The following NEURL1 variants were observed in gnomAD, a reference collection of about 807,000 sequenced individuals.
NEURL1 encodes the protein E3 ubiquitin-protein ligase NEURL1.
A neutral mutation model predicts 41.2 loss-of-function variants in NEURL1; 26 were observed. The observed-to-expected ratio is 0.63, with a 90% CI of 0.46 to 0.87. NEURL1 has a LOEUF of 0.87. NEURL1 is among the 40% of genes least tolerant of loss of function. NEURL1 has a pLI of 0.00. For synonymous variants in NEURL1, 400 were observed against 402.3 expected (o/e 0.99, Z 0.07); for missense variants, 761 against 871.1 (o/e 0.87, Z 1.59).
chr10:103,510,939 AC>A (rs977228076), intron 1 of NEURL1, among the ~76,000 whole-genome samples: 1 of 150,658 alleles, frequency 6.6e-6, no homozygotes, highest in African/African-American at 2.4e-5. Flanking sequence ...TTTCCAGGCC[AC>A]CCCCCGCCGC....
At chr10:103,568,387 A>G (rs2035469586) in intron 1 of NEURL1, among the ~76,000 whole-genome samples, 1 of 152,140 alleles carries the variant, frequency 6.6e-6, no homozygotes, top group Admixed American at 6.5e-5. Context: ...CCAGGGCCCC[A>G]GGACGTCAAG....
At chr10:103,505,849 C>G (rs1659881131) in intron 1 of NEURL1, among the ~76,000 whole-genome samples, 1 of 152,226 alleles carries the variant, frequency 6.6e-6, no homozygotes, top group South Asian at 2.1e-4. Context: ...GGCCAAGGAA[C>G]TTTCAGCAGA....
chr10:103,563,224 C>T (rs191941970), intron 1 of NEURL1, among the ~76,000 whole-genome samples: 4 of 152,334 alleles, frequency 2.6e-5, no homozygotes, highest in Admixed American at 6.5e-5. Flanking sequence ...ATGTTGCGAT[C>T]AAGTGTTAAA....
At chr10:103,516,301 C>T (rs1156929620) in intron 1 of NEURL1, among the ~76,000 whole-genome samples, 5 of 149,428 alleles carry the variant, frequency 3.3e-5, no homozygotes, top group Admixed American at 6.7e-5. Context: ...ATGATGCAGG[C>T]GGTGAGAGTG....
At chr10:103,511,576 G>T (rs762710964) in intron 1 of NEURL1, among the ~76,000 whole-genome samples, 1 of 152,204 alleles carries the variant, frequency 6.6e-6, no homozygotes, top group Admixed American at 6.5e-5. Flanking sequence ...CTTATTTGAG[G>T]TAATGCTTGA....
intron 1 of NEURL1, among the ~76,000 whole-genome samples, chr10:103,500,157 G>C (rs72848934): frequency 0.016 from 2,380 of 152,290 alleles, 31 homozygotes; most frequent in Non-Finnish European, 0.028. Flanking sequence ...CACCCATCCT[G>C]CATGCCCTGT....
At chr10:103,503,152 G>A (rs1336389298) in intron 1 of NEURL1, among the ~76,000 whole-genome samples, 1 of 152,258 alleles carries the variant, frequency 6.6e-6, no homozygotes, top group Non-Finnish European at 1.5e-5. Context: ...GGTCCCGCCT[G>A]GCCAGACCAG....
chr10:103,555,619 T>A (rs2035135835), intron 1 of NEURL1, among the ~76,000 whole-genome samples: 1 of 151,864 alleles, frequency 6.6e-6, no homozygotes, highest in Middle Eastern at 3.2e-3. Flanking sequence ...GGAAGAGGGG[T>A]GCCTTCCCTG....
At chr10:103,576,130 G>T (rs2035657925) in intron 3 of NEURL1, among the ~76,000 whole-genome samples, 1 of 152,242 alleles carries the variant, frequency 6.6e-6, no homozygotes, top group South Asian at 2.1e-4. Context: ...TATAACTGAT[G>T]CAAGGTGGCC....
In NEURL1 at chr10:103,558,388, T is replaced by C. The variant is rs757052218; in HGVS notation, c.86-12484T>C. 4 of 318,882 alleles carry C rather than the reference T, an allele frequency of 1.3e-5. No individual in the cohort carries two copies. Among genetic ancestry groups the C allele is most frequent in the Non-Finnish European group, 1.8e-5 (4 of 220,804 alleles). The allele number at this position is 318,882 out of a possible 1,614,324, so 19.8% of individuals were successfully genotyped here. ...CAGATGTGTATCTGTGTTTTAGATC[T>C]CTGTGTACCTGTGTGATGTGTCTCT... On this transcript the variant is annotated intron_variant, in intron 1 of 5. Coordinates refer to ENST00000369780, the MANE Select transcript of NEURL1 (RefSeq NM_004210.5). The surrounding 1 kb of genome is among the most constrained non-coding windows in gnomAD (Gnocchi z 4.2).
At position 103,558,270 on chromosome 10, in the gene NEURL1, G is replaced by C; in HGVS notation, c.86-12602G>C. 1 of 984,724 alleles carries C rather than the reference G, an allele frequency of 1.0e-6. No individual in the cohort carries two copies. The highest frequency in any genetic ancestry group is 1.2e-6 in the Non-Finnish European group (1 of 829,358). The allele number at this position is 984,724 out of a possible 1,614,324, so 61.0% of individuals were successfully genotyped here. On this transcript the variant is annotated intron_variant, in intron 1 of 5. Transcript: ENST00000369780. The surrounding 1 kb of genome is among the most constrained non-coding windows in gnomAD (Gnocchi z 4.2). ...TAAAGTGAGTGAGGGGAGGGTGACAGGAGGACCCAGGACTCTGTATGTGTG... is the reference window on the plus strand; with the variant it reads ...TAAAGTGAGTGAGGGGAGGGTGACACGAGGACCCAGGACTCTGTATGTGTG...
intron 1 of NEURL1, among the ~76,000 whole-genome samples, chr10:103,559,073 G>A (rs995128381): frequency 6.6e-6 from 1 of 152,164 alleles, no homozygotes; most frequent in Non-Finnish European, 1.5e-5. Context: ...TGGCGCCTCA[G>A]TGGGGAAGCC....
Position 103,584,988 on chromosome 10 carries a change from G to GCCGA in NEURL1, c.1105_1108dup (p.Leu370ArgfsTer7). ...GTGCGACCCCGGCACGCTGCGGCCGGCCGACCTGCCTTTCAGCCCTGAGGC... is the reference window on the plus strand; with the variant it reads ...GTGCGACCCCGGCACGCTGCGGCCGGCCGACCGACCTGCCTTTCAGCCCTGAGGC... On this transcript the variant is annotated frameshift_variant, in exon 4 of 6. Coordinates refer to ENST00000369780, the MANE Select transcript of NEURL1 (RefSeq NM_004210.5). LOFTEE classifies it high-confidence loss of function. 1 of 1,543,138 alleles carries GCCGA rather than the reference G, an allele frequency of 6.5e-7. No individual in the cohort carries two copies. Among genetic ancestry groups the GCCGA allele is most frequent in the Non-Finnish European group, 8.7e-7 (1 of 1,154,444 alleles).
In NEURL1 at chr10:103,545,873, G is replaced by A. The variant is rs1344553219; in HGVS notation, c.86-24999G>A. Among the ~76,000 whole-genome samples, 1 of 152,192 alleles carries A rather than the reference G, an allele frequency of 6.6e-6. No homozygotes were observed. Among genetic ancestry groups the A allele is most frequent in the Non-Finnish European group, 1.5e-5 (1 of 68,038 alleles). On this transcript the variant is annotated intron_variant, in intron 1 of 5. Transcript: ENST00000369780. The surrounding 1 kb of genome is among the most constrained non-coding windows in gnomAD (Gnocchi z 4.5). ...AAGCTCTGACCCCTAGTGTGGGAGT[G>A]GCCCAGAGCCTGGCTGGGGCAAGGC...
intron 1 of NEURL1, among the ~76,000 whole-genome samples, chr10:103,503,995 ATTTATTT>A (rs2033889386): frequency 7.0e-6 from 1 of 143,260 alleles, no homozygotes; most frequent in South Asian, 2.2e-4. Context: ...TTATTTATTT[ATTTATTT>A]ATCTTTTTGG....
At chr10:103,511,115 TG>T (rs757858261) in intron 1 of NEURL1, among the ~76,000 whole-genome samples, 4 of 151,974 alleles carry the variant, frequency 2.6e-5, no homozygotes, top group Non-Finnish European at 4.4e-5. Flanking sequence ...TAGGAGTGAG[TG>T]GGGGACATGC....
At chr10:103,535,415 T>G (rs958135950) in intron 1 of NEURL1, among the ~76,000 whole-genome samples, 3 of 152,140 alleles carry the variant, frequency 2.0e-5, no homozygotes, top group African/African-American at 7.2e-5. Flanking sequence ...GCACAGTTGC[T>G]CAGCTTGGCC....
At chr10:103,532,320 T>C (rs1397433338) in intron 1 of NEURL1, among the ~76,000 whole-genome samples, 3 of 152,196 alleles carry the variant, frequency 2.0e-5, no homozygotes, top group Non-Finnish European at 4.4e-5. Flanking sequence ...AGTGATAAGG[T>C]TTGATTCTTT....
chr10:103,529,673 T>G (rs2034529743), intron 1 of NEURL1, among the ~76,000 whole-genome samples: 1 of 152,224 alleles, frequency 6.6e-6, no homozygotes, highest in South Asian at 2.1e-4. Flanking sequence ...TTCCAAATTC[T>G]GGAGAAATCA....
Sources: allele counts gnomAD v4.1 joint callset (sites outside exome capture counted in the v4.1 genomes callset), GRCh38; gene constraint gnomAD v4.1.1; non-coding constraint Gnocchi (gnomAD v3.1); transcripts MANE v1.5; gene names NCBI Gene and HGNC (gene_info 2026-07-23, HGNC 2026-07-21).